PARD3B: variants seen among roughly 807,000 people sequenced by gnomAD.
PARD3B encodes the protein par-3 family cell polarity regulator beta.
In PARD3B, 103 loss-of-function variants were observed where a neutral mutation model predicts 130.2. That is an observed-to-expected ratio of 0.79 (90% CI 0.67 to 0.93). The LOEUF (loss-of-function observed/expected upper bound fraction) is 0.93. Among genes scored for constraint, PARD3B ranks in the 40% least tolerant of loss-of-function variants. The pLI is 0.00. For missense variants in PARD3B, 1,609 were observed against 1,499.2 expected, an observed-to-expected ratio of 1.07 and a Z score of -1.21; for synonymous variants, 583 against 553.2, an observed-to-expected ratio of 1.05 and a Z score of -0.76.
intron 2 of PARD3B, among the ~76,000 whole-genome samples, chr2:204,839,333 T>C (rs565101919): frequency 6.6e-6 from 1 of 152,366 alleles, no homozygotes; most frequent in East Asian, 1.9e-4. Context: ...CTAAGTCATT[T>C]TGTAGACATT....
At chr2:204,578,957 G>A (rs193253109) in intron 1 of PARD3B, among the ~76,000 whole-genome samples, 3 of 152,130 alleles carry the variant, frequency 2.0e-5, no homozygotes, top group Non-Finnish European at 4.4e-5. Context: ...GATTCCTCCT[G>A]TGTACTGAGG....
At position 204,568,009 on chromosome 2, in the gene PARD3B, A is replaced by C. The variant is rs887032166; in HGVS notation, c.120+21890A>C. On this transcript the variant is annotated intron_variant, in intron 1 of 22. Coordinates refer to ENST00000406610, the MANE Select transcript of PARD3B (RefSeq NM_001302769.2). ...AAATTCTAAATTATAGTTTTCATAC[A>C]ACTAAAATATTTAGAATAATTTTTG... is the stretch of plus-strand genomic sequence containing the variant. Among the ~76,000 whole-genome samples the C allele has an allele frequency of 5.9e-5, 9 of 152,232 alleles. No homozygotes were observed. In the South Asian group the frequency reaches 1.9e-3, roughly 32 times the overall value.
intron 1 of PARD3B, among the ~76,000 whole-genome samples, chr2:204,585,718 G>A (rs1424195655): frequency 2.6e-5 from 4 of 151,814 alleles, no homozygotes; most frequent in East Asian, 1.9e-4. Flanking sequence ...TATAATATAC[G>A]TCTGCACATT....
At chr2:204,917,709 C>T (rs573469261) in intron 2 of PARD3B, among the ~76,000 whole-genome samples, 1 of 152,262 alleles carries the variant, frequency 6.6e-6, no homozygotes, top group South Asian at 2.1e-4. Flanking sequence ...TTTTAACTGA[C>T]AGTGTAGCCA....
At chr2:204,785,974 C>T (rs1348593078) in intron 2 of PARD3B, among the ~76,000 whole-genome samples, 1 of 151,810 alleles carries the variant, frequency 6.6e-6, no homozygotes, top group Non-Finnish European at 1.5e-5. Context: ...AATAGCTGGG[C>T]GTAGGGGTGG....
chr2:205,093,893 C>G lies in PARD3B; in HGVS notation c.505-10533C>G, dbSNP rs145913823. Among the ~76,000 whole-genome samples, 382 of 152,160 alleles carry G rather than the reference C, an allele frequency of 2.5e-3. 3 individuals carry two copies. The highest frequency in any genetic ancestry group is 4.6e-3 in the Admixed American group (70 of 15,270). ...TCCTAACTCTTTGTTGTGTTTCTAC[C>G]CTTGCTCAAAAAACAAACAAACCTT... is the stretch of plus-strand genomic sequence containing the variant. On this transcript the variant is annotated intron_variant, in intron 4 of 22. Transcript: ENST00000406610.
At chr2:204,969,883 T>C (rs1691549684) in intron 3 of PARD3B, among the ~76,000 whole-genome samples, 2 of 152,056 alleles carry the variant, frequency 1.3e-5, no homozygotes, top group Admixed American at 6.5e-5. Flanking sequence ...ATTTCAGAAA[T>C]GAGTTTGCTT....
chr2:205,510,117 A>G (rs1398091395), intron 21 of PARD3B, among the ~76,000 whole-genome samples: 1 of 152,120 alleles, frequency 6.6e-6, no homozygotes, highest in Non-Finnish European at 1.5e-5. Context: ...TGTACCCATT[A>G]CTCACTAGGT....
At chr2:204,983,172 T>C (rs1354425174) in intron 3 of PARD3B, among the ~76,000 whole-genome samples, 1 of 152,116 alleles carries the variant, frequency 6.6e-6, no homozygotes, top group Non-Finnish European at 1.5e-5. Context: ...CCAATGCAGT[T>C]TGGGTTGTCC....
chr2:205,610,098 G>A (rs923449901), intron 22 of PARD3B, among the ~76,000 whole-genome samples: 3 of 152,218 alleles, frequency 2.0e-5, no homozygotes, highest in African/African-American at 7.2e-5. Context: ...AGGGTGTTGA[G>A]TTACAGCAGG....
chr2:205,177,785 A>T (rs1396578149), intron 13 of PARD3B, among the ~76,000 whole-genome samples: 1 of 152,164 alleles, frequency 6.6e-6, no homozygotes, highest in Non-Finnish European at 1.5e-5. Context: ...GTGTTGAGCA[A>T]TTTGCCTGCA....
intron 15 of PARD3B, among the ~76,000 whole-genome samples, chr2:205,217,394 AATG>A (rs2037969623): frequency 6.6e-6 from 1 of 152,204 alleles, no homozygotes; most frequent in Non-Finnish European, 1.5e-5. Context: ...TAAGTAGAAA[AATG>A]ATAAGAGAGC....
At chr2:204,949,651 A>G (rs1689607803) in intron 2 of PARD3B, among the ~76,000 whole-genome samples, 1 of 152,176 alleles carries the variant, frequency 6.6e-6, no homozygotes, top group African/African-American at 2.4e-5. Flanking sequence ...TTCATGTGAT[A>G]GTTATCATCT....
chr2:204,761,251 A>G (rs2040885762), intron 2 of PARD3B, among the ~76,000 whole-genome samples: 1 of 152,184 alleles, frequency 6.6e-6, no homozygotes, highest in Non-Finnish European at 1.5e-5. Context: ...GTGTTTCATC[A>G]TCTTCTCAAA....
At chr2:204,881,221 T>C (rs2046032071) in intron 2 of PARD3B, among the ~76,000 whole-genome samples, 1 of 152,212 alleles carries the variant, frequency 6.6e-6, no homozygotes, top group South Asian at 2.1e-4. Flanking sequence ...TAATATGTAC[T>C]TTTTATGTGG....
chr2:204,894,431 A>ACAG (rs895440774), intron 2 of PARD3B, among the ~76,000 whole-genome samples: 3 of 151,716 alleles, frequency 2.0e-5, no homozygotes, highest in Admixed American at 1.3e-4. Flanking sequence ...TATTATAGTG[A>ACAG]CAGGCATTTT....
chr2:204,918,608 C>T (rs1050330925), intron 2 of PARD3B, among the ~76,000 whole-genome samples: 4 of 139,806 alleles, frequency 2.9e-5, no homozygotes, highest in Non-Finnish European at 6.0e-5. Context: ...CCAGCCTGGG[C>T]GACAGAGCGA....
At chr2:205,402,001 T>G (rs1007140354) in intron 19 of PARD3B, among the ~76,000 whole-genome samples, 3 of 152,226 alleles carry the variant, frequency 2.0e-5, no homozygotes, top group East Asian at 3.8e-4. Flanking sequence ...TTGTATTGAT[T>G]TTATTACTTT....
chr2:205,283,807 C>G (rs572159696), intron 16 of PARD3B, among the ~76,000 whole-genome samples: 1 of 152,294 alleles, frequency 6.6e-6, no homozygotes, highest in Admixed American at 6.5e-5. Context: ...GTGCAGCCAG[C>G]TTTTACTGTA....
Sources: gnomAD v4.1 joint callset for allele counts (sites outside exome capture counted in the v4.1 genomes callset) on GRCh38, gnomAD v4.1.1 for gene constraint, MANE v1.5 for transcripts, NCBI Gene and HGNC (gene_info 2026-07-23, HGNC 2026-07-21) for gene names.